INPP5A: variants seen among roughly 807,000 people sequenced by gnomAD.
INPP5A encodes 43 kDa inositol polyphosphate 5-phophatase.
INPP5A carries 14 observed loss-of-function variants against 65.2 expected under a neutral mutation model. That is an observed-to-expected ratio of 0.21 (90% CI 0.14 to 0.34). The LOEUF is 0.34. INPP5A is among the 10% of genes least tolerant of loss of function. INPP5A has a pLI of 1.00. For synonymous variants in INPP5A, 207 were observed against 208.3 expected, an observed-to-expected ratio of 0.99 and a Z score of 0.05; for missense variants, 431 against 545.6, an observed-to-expected ratio of 0.79 and a Z score of 2.09.
intron 4 of INPP5A, among the ~76,000 whole-genome samples, chr10:132,682,742 C>T (rs1349683093): frequency 1.3e-5 from 2 of 152,182 alleles, no homozygotes; most frequent in Non-Finnish European, 2.9e-5. Context: ...ACGTGTCTGC[C>T]ATGACCCAGC....
Position 132,538,209 on chromosome 10 carries a change from A to C in INPP5A, c.75+38A>C. 1.6e-6 allele frequency: 2 copies of C among 1,215,484 alleles called. No individual in the cohort carries two copies. Among genetic ancestry groups the C allele is most frequent in the Non-Finnish European group, 2.1e-6 (2 of 962,770 alleles). 75.3% of individuals were successfully genotyped at this position (1,215,484 alleles called of 1,614,324 possible). On this transcript the variant is annotated intron_variant, in intron 1 of 15. Coordinates refer to ENST00000368594, the MANE Select transcript of INPP5A (RefSeq NM_005539.5). This position sits in a 1 kb window ranked among gnomAD's most constrained non-coding sequence, Gnocchi z 4.1. The stretch of plus-strand genomic sequence containing the variant: ...TGCCGGCGGCAGGCCCCAAGCCCGG[A>C]ACCCCCGACCCTGACCCCGGGGTCC...
chr10:132,543,823 G>T (rs1466685460), intron 1 of INPP5A, among the ~76,000 whole-genome samples: 1 of 152,252 alleles, frequency 6.6e-6, no homozygotes, highest in Non-Finnish European at 1.5e-5. Flanking sequence ...CCTCCTTCCG[G>T]TTCTGGTGAA....
At chr10:132,628,740 G>A (rs1011353380) in intron 2 of INPP5A, among the ~76,000 whole-genome samples, 11 of 152,184 alleles carry the variant, frequency 7.2e-5, no homozygotes, top group African/African-American at 2.7e-4. Flanking sequence ...AAGAGAACAT[G>A]TAAAATTCCA....
In INPP5A at chr10:132,704,470, T is replaced by C. The variant is rs1005735930; in HGVS notation, c.475-3843T>C. On this transcript the variant is annotated intron_variant, in intron 6 of 15. Coordinates refer to ENST00000368594, the MANE Select transcript of INPP5A (RefSeq NM_005539.5). The surrounding 1 kb of genome is among the most constrained non-coding windows in gnomAD (Gnocchi z 4.5). ...GAGGGTTGGGTGTGTGCCTGTGTGT[T>C]GGACGCCAGCCCGCGGCGGCTGCTG... is the stretch of plus-strand genomic sequence containing the variant. Among the ~76,000 whole-genome samples, 2 of 152,242 alleles carry C rather than the reference T, an allele frequency of 1.3e-5. No homozygotes were observed. Among genetic ancestry groups the C allele is most frequent in the East Asian group, 3.8e-4 (2 of 5,200 alleles).
chr10:132,558,413 C>T (rs2071157328), intron 1 of INPP5A, among the ~76,000 whole-genome samples: 1 of 152,224 alleles, frequency 6.6e-6, no homozygotes, highest in Admixed American at 6.5e-5. Flanking sequence ...GCCCTGACAG[C>T]TGCATGGTGT....
At position 132,575,186 on chromosome 10, in the gene INPP5A, G is replaced by A. The variant is rs2071399241; in HGVS notation, c.76-32729G>A. On this transcript the variant is annotated intron_variant, in intron 1 of 15. Coordinates refer to ENST00000368594, the MANE Select transcript of INPP5A (RefSeq NM_005539.5). The surrounding 1 kb of genome is among the most constrained non-coding windows in gnomAD (Gnocchi z 5.4). ...TGCTGCATTCTTCCTCCGCAGGCTG[G>A]CGTTTGCACCGGCCTGGACACATCG... 6.6e-6 allele frequency among the ~76,000 whole-genome samples: 1 copy of A among 152,230 alleles called. No homozygotes were observed.
In INPP5A at chr10:132,674,488, G is replaced by A. The variant is rs1313627243; in HGVS notation, c.307-15904G>A. On this transcript the variant is annotated intron_variant, in intron 4 of 15. Transcript: ENST00000368594. This position sits in a 1 kb window ranked among gnomAD's most constrained non-coding sequence, Gnocchi z 4.4. Reference sequence around the variant, plus strand: ...CAGAACCATCTGTGAACCAGGCCCCGGTCTTCTCTTCCTCTGTCAGCTGAT... The same window carrying A: ...CAGAACCATCTGTGAACCAGGCCCCAGTCTTCTCTTCCTCTGTCAGCTGAT... 3.9e-5 allele frequency among the ~76,000 whole-genome samples: 6 copies of A among 152,254 alleles called. No individual in the cohort carries two copies. The highest frequency in any genetic ancestry group is 2.1e-4 in the South Asian group (1 of 4,816).
chr10:132,553,831 G>C (rs1165231788), intron 1 of INPP5A, among the ~76,000 whole-genome samples: 1 of 148,086 alleles, frequency 6.8e-6, no homozygotes, highest in African/African-American at 2.5e-5. Flanking sequence ...GGTAGGATAG[G>C]GAGGGAGGAT....
chr10:132,688,241 C>T (rs1381685108), intron 4 of INPP5A, among the ~76,000 whole-genome samples: 1 of 152,218 alleles, frequency 6.6e-6, no homozygotes, highest in Non-Finnish European at 1.5e-5. Flanking sequence ...GAACATAAGT[C>T]CCCTCACCAT....
intron 3 of INPP5A, among the ~76,000 whole-genome samples, chr10:132,647,933 C>A (rs1365660929): frequency 2.6e-5 from 4 of 152,106 alleles, no homozygotes; most frequent in Admixed American, 2.6e-4. Context: ...TTAAAATGTG[C>A]AGGAAGTGCA....
chr10:132,580,050 C>T (rs977851375), intron 1 of INPP5A, among the ~76,000 whole-genome samples: 11 of 151,830 alleles, frequency 7.2e-5, no homozygotes, highest in Admixed American at 1.3e-4. Context: ...TTGCTGGCAG[C>T]TCCCAGGGCT....
chr10:132,581,891 G>A (rs1590845598), intron 1 of INPP5A, among the ~76,000 whole-genome samples: 1 of 151,874 alleles, frequency 6.6e-6, no homozygotes, highest in African/African-American at 2.4e-5. Context: ...AGGCTGGAGT[G>A]CAGTGGCGCG....
chr10:132,540,819 G>A (rs2070897040), intron 1 of INPP5A, among the ~76,000 whole-genome samples: 2 of 152,246 alleles, frequency 1.3e-5, no homozygotes, highest in African/African-American at 4.8e-5. Context: ...AGCCAAGCTC[G>A]TCTGTGACCA....
chr10:132,550,831 G>A lies in INPP5A; in HGVS notation c.75+12660G>A, dbSNP rs1415901542. Among the ~76,000 whole-genome samples the A allele has an allele frequency of 1.3e-5, 2 of 152,230 alleles. No homozygotes were observed. The highest frequency in any genetic ancestry group is 1.9e-4 in the East Asian group (1 of 5,204). The stretch of plus-strand genomic sequence containing the variant: ...CTTAGATCCTTGGCACTGCAGGGGC[G>A]GTTCTGCCAGACATAGCTGTTGTCT... On this transcript the variant is annotated intron_variant, in intron 1 of 15. Transcript: ENST00000368594. This position sits in a 1 kb window ranked among gnomAD's most constrained non-coding sequence, Gnocchi z 4.2.
At position 132,690,528 on chromosome 10, in the gene INPP5A, T is replaced by C. The variant is rs113185360; in HGVS notation, c.370+73T>C. The stretch of plus-strand genomic sequence containing the variant: ...TCCTGGTGTCTGGCTTCCCCAGACC[T>C]CTCCTGCCCTGTCTCTGTGAGTGGC... On this transcript the variant is annotated intron_variant, in intron 5 of 15. Coordinates refer to ENST00000368594, the MANE Select transcript of INPP5A (RefSeq NM_005539.5). 1,270 of 1,107,556 alleles carry C rather than the reference T, an allele frequency of 1.1e-3. 12 individuals carry two copies. The African/African-American group carries it at 0.018, about 16-fold the overall frequency. The allele number at this position is 1,107,556 out of a possible 1,614,324, so 68.6% of individuals were successfully genotyped here.
intron 12 of INPP5A, among the ~76,000 whole-genome samples, chr10:132,775,950 T>C (rs879495435): frequency 3.9e-5 from 6 of 152,310 alleles, no homozygotes; most frequent in Non-Finnish European, 8.8e-5. Flanking sequence ...TTGTGTGCTG[T>C]GTGCATGTGT....
chr10:132,712,744 G>T (rs1845667252), intron 8 of INPP5A, among the ~76,000 whole-genome samples: 1 of 151,628 alleles, frequency 6.6e-6, no homozygotes, highest in Admixed American at 6.6e-5. Flanking sequence ...AGGTGTGTGT[G>T]TAGGTGCATG....
chr10:132,632,137 C>G (rs2072283598), intron 2 of INPP5A, among the ~76,000 whole-genome samples: 1 of 152,250 alleles, frequency 6.6e-6, no homozygotes, highest in Non-Finnish European at 1.5e-5. Flanking sequence ...CAGGCCTGAC[C>G]CAAGCGTGCT....
At chr10:132,646,760 A>G (rs897549430) in intron 3 of INPP5A, among the ~76,000 whole-genome samples, 2 of 151,898 alleles carry the variant, frequency 1.3e-5, no homozygotes, top group Non-Finnish European at 2.9e-5. Flanking sequence ...AAGCTGCCAC[A>G]CTCTGTGGGC....
Sources: gnomAD v4.1 joint callset for allele counts (sites outside exome capture counted in the v4.1 genomes callset) on GRCh38, gnomAD v4.1.1 for gene constraint, Gnocchi (gnomAD v3.1) non-coding constraint, MANE v1.5 for transcripts, NCBI Gene and HGNC (gene_info 2026-07-23, HGNC 2026-07-21) for gene names.